CBLC: variants seen among roughly 807,000 people sequenced by gnomAD.
CBLC encodes Cbl proto-oncogene C.
In CBLC, 46 loss-of-function variants were observed where a neutral mutation model predicts 58.6. That is an observed-to-expected ratio of 0.79 (90% confidence interval 0.62 to 1.00). The LOEUF (loss-of-function observed/expected upper bound fraction) is 1.00, where lower values mean the gene tolerates loss of function less well. Among genes scored for constraint, CBLC ranks in the 50% least tolerant of loss-of-function variants. The pLI is 0.00. For synonymous variants in CBLC, 271 were observed against 264.2 expected (o/e 1.03, Z -0.25); for missense variants, 655 against 625.8 (o/e 1.05, Z -0.50).
At chr19:44,793,681 G>A in intron 8 of CBLC, 61 bp downstream of exon 8, 3 of 1,493,324 alleles carry the variant, frequency 2.0e-6, no homozygotes, top group South Asian at 2.4e-5. Flanking sequence ...GGGAGGGACT[G>A]GAGCCTGGAC....
rs200866709 is a variant in CBLC, at chr19:44,778,311, C to G, written c.353+27C>G. 16 of 1,404,900 alleles carry G rather than the reference C, an allele frequency of 1.1e-5. No individual in the cohort carries two copies. In the Admixed American group the frequency reaches 2.2e-4, roughly 19 times the overall value. 87.0% of individuals were successfully genotyped at this position (1,404,900 alleles called of 1,614,324 possible). On this transcript the variant is annotated intron_variant, in intron 1 of 10. Coordinates refer to ENST00000647358, the MANE Select transcript of CBLC (RefSeq NM_012116.4). ...TGAGCCTTCGCCCCAGAACAAAGTC[C>G]TCTGGGGTGAGGCCCAGGTCTTGCT...
At chr19:44,781,083 C>G (rs1365096709) in intron 2 of CBLC, 32 bp downstream of exon 2, 1 of 1,598,010 alleles carries the variant, frequency 6.3e-7, no homozygotes, top group South Asian at 1.1e-5. Context: ...GCTCCCGGAG[C>G]CCCATCCTGC....
intron 5 of CBLC, among the ~76,000 whole-genome samples, chr19:44,786,016 T>A (rs1361313316): frequency 2.0e-5 from 3 of 151,924 alleles, no homozygotes; most frequent in Non-Finnish European, 4.4e-5. Context: ...CCTAGGCTGG[T>A]CTCGAACTCC....
In CBLC at chr19:44,778,088, C is replaced by G; in HGVS notation, c.157C>G (p.Gln53Glu). The change falls in exon 1 of 11, where the codon CAG becomes GAG. Residue 53 changes from glutamine (Q) to glutamate (E), a missense_variant. By Grantham distance (29) the Gln-to-Glu change is conservative. Transcript: ENST00000647358. ...GCGGGACCTGCTGCCCCGCACAGCG[C>G]AGCTGCTTCGAGAGGTGGCCCATTC... ...SLRDLLPRTA[Q>E]LLREVAHSRR... The G allele has an allele frequency of 1.2e-6, 2 of 1,607,336 alleles. No homozygotes were observed. The highest frequency in any genetic ancestry group is 1.7e-6 in the Non-Finnish European group (2 of 1,179,206).
chr19:44,781,508 G>T, intron 3 of CBLC, 145 bp downstream of exon 3: 1 of 813,094 alleles, frequency 1.2e-6, no homozygotes, highest in Non-Finnish European at 1.9e-6. Flanking sequence ...TGGACTCCTG[G>T]GTCTGAGGGA....
intron 2 of CBLC, 21 bp from the exon 3 acceptor site, chr19:44,781,186 C>T: frequency 2.5e-6 from 4 of 1,600,694 alleles, no homozygotes; most frequent in Non-Finnish European, 3.4e-6. Context: ...GCGGTGTCTC[C>T]CCCACCCCTC....
intron 5 of CBLC, among the ~76,000 whole-genome samples, chr19:44,786,724 A>T (rs1967919320): frequency 6.6e-6 from 1 of 152,198 alleles, no homozygotes. Flanking sequence ...TACAACACAC[A>T]CGTTTTCTCC....
chr19:44,785,454 T>C (rs1398754903), intron 5 of CBLC, among the ~76,000 whole-genome samples: 1 of 151,866 alleles, frequency 6.6e-6, no homozygotes, highest in African/African-American at 2.4e-5. Flanking sequence ...AGAATTTTCT[T>C]ATCAGTCATA....
chr19:44,784,610 A>G (rs966247503), intron 5 of CBLC, among the ~76,000 whole-genome samples: 10 of 152,242 alleles, frequency 6.6e-5, no homozygotes, highest in African/African-American at 2.4e-4. Flanking sequence ...AAGTGGCCAT[A>G]GATCGGGCCC....
intron 9 of CBLC, 62 bp from the exon 10 acceptor site, chr19:44,800,319 G>A: frequency 1.7e-6 from 2 of 1,169,470 alleles, no homozygotes; most frequent in Non-Finnish European, 2.6e-6. Context: ...ACAGGGAAGA[G>A]GGGCAGAGGG....
In CBLC at chr19:44,784,912, T is replaced by A. The variant is rs116735164; in HGVS notation, c.917+511T>A. 4.6e-3 allele frequency among the ~76,000 whole-genome samples: 627 copies of A among 136,584 alleles called. 7 individuals carry two copies. The highest frequency in any genetic ancestry group is 0.016 in the African/African-American group (594 of 37,690). The allele number at this position is 136,584 out of a possible 152,430, so 89.6% of individuals were successfully genotyped here. On this transcript the variant is annotated intron_variant, in intron 5 of 10. Coordinates refer to ENST00000647358, the MANE Select transcript of CBLC (RefSeq NM_012116.4). ...GATCCTGCTCTAGAATCTAGATTGA[T>A]GGGGCAGAAACAGAACTGGAGAACT...
intron 9 of CBLC, among the ~76,000 whole-genome samples, chr19:44,797,680 A>G (rs985247628): frequency 2.0e-4 from 29 of 146,712 alleles, no homozygotes; most frequent in African/African-American, 6.8e-4. Flanking sequence ...GCTTGAACCC[A>G]GGAGGCAGAG....
In CBLC at chr19:44,781,219, C is replaced by G; in HGVS notation, c.513C>G (p.Pro171=). 6.2e-7 allele frequency: 1 copy of G among 1,612,812 alleles called. No homozygotes were observed. Among genetic ancestry groups the G allele is most frequent in the Non-Finnish European group, 8.5e-7 (1 of 1,179,460 alleles). ...RESCGARCVL[P]WAEFESLLGT... ...CTCTCCCACCCAGGTGTGTGCTGCC[C>G]TGGGCTGAGTTTGAGTCCCTCCTGG... Residue 171 remains proline, a synonymous_variant, in exon 3 of 11, where the codon CCC becomes CCG. Coordinates refer to ENST00000647358, the MANE Select transcript of CBLC (RefSeq NM_012116.4).
chr19:44,789,147 G>T (rs998314835), intron 5 of CBLC, among the ~76,000 whole-genome samples: 69 of 152,312 alleles, frequency 4.5e-4, no homozygotes, highest in African/African-American at 1.6e-3. Context: ...CTGGAGCCCA[G>T]TGCTGAGATC....
Position 44,794,199 on chromosome 19 carries a change from C to G in CBLC, c.1285-5C>G, listed in dbSNP as rs77416350. The G allele has an allele frequency of 2.9e-3, 4,585 of 1,606,748 alleles. 126 individuals are homozygous for G. The African/African-American group carries it at 0.055, about 19-fold the overall frequency. On this transcript the variant is annotated splice_region_variant and splice_polypyrimidine_tract_variant and intron_variant, in intron 8 of 10. Transcript: ENST00000647358. ...GCCCCTTCTCCTTCCTCTGTCCCAC[C>G]CCAGGTGCCCCTTTCGGCTCCTCCA...
Position 44,793,634 on chromosome 19 carries a change from G to A in CBLC, c.1284+14G>A. ...GAGCTGGGGCAGGTGAGCAGGGCCA[G>A]CCGGGAGCTGGAATCCAAATTCCTG... On this transcript the variant is annotated intron_variant, in intron 8 of 10. Coordinates refer to ENST00000647358, the MANE Select transcript of CBLC (RefSeq NM_012116.4). 1.3e-6 allele frequency: 2 copies of A among 1,584,642 alleles called. No homozygotes were observed. The highest frequency in any genetic ancestry group is 1.7e-6 in the Non-Finnish European group (2 of 1,166,814).
chr19:44,784,950 G>GT (rs58171575), intron 5 of CBLC, among the ~76,000 whole-genome samples: 946 of 34,346 alleles, frequency 0.028, 391 homozygotes, highest in Non-Finnish European at 0.048. Flanking sequence ...CTAGACAGGT[G>GT]TTTTTTTTTT....
At chr19:44,784,564 A>G (rs772719339) in intron 5 of CBLC, 163 bp downstream of exon 5, 87 of 683,546 alleles carry the variant, frequency 1.3e-4, no homozygotes, top group Non-Finnish European at 1.8e-4. Flanking sequence ...TGGCAGTCAA[A>G]GGTCTTGAGG....
At chr19:44,797,020 A>G (rs2122511137) in intron 9 of CBLC, among the ~76,000 whole-genome samples, 1 of 152,280 alleles carries the variant, frequency 6.6e-6, no homozygotes, top group Non-Finnish European at 1.5e-5. Flanking sequence ...CCCAGAGGAC[A>G]GTGATGGGGG....
Sources: allele counts gnomAD v4.1 joint callset (sites outside exome capture counted in the v4.1 genomes callset), GRCh38; gene constraint gnomAD v4.1.1; transcripts MANE v1.5; gene names NCBI Gene and HGNC (gene_info 2026-07-23, HGNC 2026-07-21).